CDH18: variants seen among roughly 807,000 people sequenced by gnomAD.
CDH18 encodes the protein cadherin-18.
CDH18 carries 31 observed loss-of-function variants against 67.9 expected under a neutral mutation model. That is an observed-to-expected ratio of 0.46 (90% CI 0.34 to 0.62). The LOEUF (loss-of-function observed/expected upper bound fraction) is 0.62, where lower values mean the gene tolerates loss of function less well. Ranked by LOEUF, CDH18 falls within the 20% of genes least tolerant of loss-of-function variation. CDH18 has a pLI of 0.01. For synonymous variants in CDH18, 362 were observed against 347.2 expected (o/e 1.04, Z -0.48); for missense variants, 890 against 975.5 (o/e 0.91, Z 1.17).
At chr5:19,725,310 A>C (rs540518051) in intron 4 of CDH18, among the ~76,000 whole-genome samples, 83 of 152,320 alleles carry the variant, frequency 5.4e-4, no homozygotes, top group African/African-American at 2.0e-3. Flanking sequence ...GAATACCACT[A>C]GGTAGGCATC....
At chr5:20,541,384 A>G (rs1581173485) in intron 1 of CDH18, among the ~76,000 whole-genome samples, 2 of 152,208 alleles carry the variant, frequency 1.3e-5, no homozygotes, top group East Asian at 3.8e-4. Flanking sequence ...AGATTATTGG[A>G]TAAAATAAGA....
intron 6 of CDH18, among the ~76,000 whole-genome samples, chr5:19,608,281 A>G (rs951623066): frequency 6.6e-6 from 1 of 151,756 alleles, no homozygotes; most frequent in African/African-American, 2.4e-5. Flanking sequence ...TTCAAAATAT[A>G]TGCCTACAAC....
At chr5:19,785,441 T>C (rs1218252171) in intron 3 of CDH18, among the ~76,000 whole-genome samples, 6 of 150,438 alleles carry the variant, frequency 4.0e-5, no homozygotes. Flanking sequence ...TCACCTGGGG[T>C]TGGGAGTTCG....
chr5:19,943,206 G>C (rs1183925021), intron 2 of CDH18, among the ~76,000 whole-genome samples: 3 of 152,054 alleles, frequency 2.0e-5, no homozygotes, highest in African/African-American at 7.2e-5. Context: ...GTTTGGGGGG[G>C]TAAGAAAAGT....
At chr5:20,280,186 T>G (rs2126695650) in intron 1 of CDH18, among the ~76,000 whole-genome samples, 1 of 152,052 alleles carries the variant, frequency 6.6e-6, no homozygotes, top group African/African-American at 2.4e-5. Flanking sequence ...ATTTATTTAT[T>G]TATTTTATTT....
chr5:20,197,160 C>A (rs1347866582), intron 2 of CDH18, among the ~76,000 whole-genome samples: 9 of 152,012 alleles, frequency 5.9e-5, no homozygotes, highest in African/African-American at 2.2e-4. Flanking sequence ...TACAGGCACC[C>A]ACTGCCACAC....
chr5:20,419,689 G>A (rs1439921805), intron 1 of CDH18, among the ~76,000 whole-genome samples: 1 of 150,316 alleles, frequency 6.7e-6, no homozygotes, highest in Non-Finnish European at 1.5e-5. Flanking sequence ...CTGTTAGCCA[G>A]GATGGTCTCG....
At chr5:20,417,250 TTATAAA>T (rs1302774560) in intron 1 of CDH18, among the ~76,000 whole-genome samples, 2 of 152,268 alleles carry the variant, frequency 1.3e-5, no homozygotes, top group East Asian at 1.9e-4. Flanking sequence ...AAAGTATGTA[TTATAAA>T]TATAACAGGA....
intron 2 of CDH18, among the ~76,000 whole-genome samples, chr5:20,111,393 TC>T (rs1342190849): frequency 6.6e-6 from 1 of 152,086 alleles, no homozygotes; most frequent in Non-Finnish European, 1.5e-5. Context: ...TAGTTTTCTT[TC>T]CCCAAGAGTA....
intron 1 of CDH18, among the ~76,000 whole-genome samples, chr5:20,346,321 C>T (rs1468475872): frequency 6.6e-6 from 1 of 152,114 alleles, no homozygotes; most frequent in African/African-American, 2.4e-5. Context: ...TAAAACTTAT[C>T]AGAACAAGAA....
rs752209039 is a variant in CDH18, at chr5:20,132,620, G to A, written c.-518+122824C>T. On this transcript the variant is annotated intron_variant, in intron 2 of 14. Coordinates refer to the CDH18 transcript ENST00000507958. ...ATTCCATTCTGTCTCCTCTCCTGGC[G>A]TATAAATTATTTCTCATTTTTATTA... Among the ~76,000 whole-genome samples, 17 of 151,920 alleles carry A rather than the reference G, an allele frequency of 1.1e-4. 1 individual carries two copies. The highest frequency in any genetic ancestry group is 4.1e-4 in the South Asian group (2 of 4,830).
intron 1 of CDH18, chr5:20,305,472 G>T: frequency 7.6e-7 from 1 of 1,323,450 alleles, no homozygotes. Flanking sequence ...CTCAGCGGCC[G>T]CCGCTGCACT....
At chr5:19,762,895 A>G (rs904822277) in intron 3 of CDH18, among the ~76,000 whole-genome samples, 6 of 152,218 alleles carry the variant, frequency 3.9e-5, no homozygotes, top group Non-Finnish European at 8.8e-5. Context: ...TGGCACATAT[A>G]CACCATGGAA....
At chr5:20,399,497 A>G (rs539039978) in intron 1 of CDH18, among the ~76,000 whole-genome samples, 15 of 152,296 alleles carry the variant, frequency 9.8e-5, no homozygotes, top group African/African-American at 3.6e-4. Context: ...GTTACACTGA[A>G]CAAAGCATTA....
Position 19,977,791 on chromosome 5 carries a change from T to TA in CDH18, c.-257+3268dup, listed in dbSNP as rs1285306392. ...GATAAGGCCATTCAAACTGGAAGGATAAATTTTTCCCTATTTAGCAGTTTT... is the reference window on the plus strand; with the variant it reads ...GATAAGGCCATTCAAACTGGAAGGATAAAATTTTTCCCTATTTAGCAGTTTT... On this transcript the variant is annotated intron_variant, in intron 2 of 12. Transcript: ENST00000382275. 2.6e-5 allele frequency among the ~76,000 whole-genome samples: 4 copies of TA among 152,300 alleles called. No homozygotes were observed. In the East Asian group the frequency reaches 7.7e-4, roughly 29 times the overall value.
intron 6 of CDH18, 129 bp downstream of exon 6, chr5:19,612,305 G>T: frequency 1.3e-6 from 1 of 799,512 alleles, no homozygotes; most frequent in Non-Finnish European, 2.0e-6. Context: ...ATGAAGAAGG[G>T]TGATCATATA....
Position 20,200,424 on chromosome 5 carries a change from A to G in CDH18, c.-518+55020T>C, listed in dbSNP as rs1261606315. 3.9e-5 allele frequency among the ~76,000 whole-genome samples: 6 copies of G among 152,304 alleles called. No individual in the cohort carries two copies. The East Asian group carries it at 1.2e-3, about 29-fold the overall frequency. On this transcript the variant is annotated intron_variant, in intron 2 of 14. Coordinates refer to the CDH18 transcript ENST00000507958. ...TGTCGTGGCTCACACCTGTAATCCC[A>G]AGACTTTGGGAAGTCAAGGCAGGCA...
chr5:20,047,032 G>A (rs911408421), intron 2 of CDH18, among the ~76,000 whole-genome samples: 1 of 151,860 alleles, frequency 6.6e-6, no homozygotes, highest in Non-Finnish European at 1.5e-5. Context: ...AAAGAAACAC[G>A]AGAGAGTAGA....
At chr5:20,537,588 C>A (rs1309254533) in intron 1 of CDH18, among the ~76,000 whole-genome samples, 2 of 152,058 alleles carry the variant, frequency 1.3e-5, no homozygotes, top group African/African-American at 4.8e-5. Flanking sequence ...ACAGCTGCAA[C>A]TTTAAGCGCT....
Sources: allele counts gnomAD v4.1 joint callset (sites outside exome capture counted in the v4.1 genomes callset), GRCh38; gene constraint gnomAD v4.1.1; transcripts MANE v1.5; gene names NCBI Gene and HGNC (gene_info 2026-07-23, HGNC 2026-07-21).